CNTNAP5: variants seen among roughly 807,000 people sequenced by gnomAD.
CNTNAP5 encodes contactin-associated protein-like 5.
Under a neutral mutation model 150.2 loss-of-function variants are expected in CNTNAP5, and 72 were observed. The observed-to-expected ratio is 0.48, with a 90% CI of 0.40 to 0.58. The LOEUF is 0.58. Ranked by LOEUF, CNTNAP5 falls within the 20% of genes least tolerant of loss-of-function variation. The pLI, the probability that CNTNAP5 is intolerant of heterozygous loss-of-function variation, is 0.00. For synonymous variants in CNTNAP5, 672 were observed against 619.8 expected (o/e 1.08, Z -1.25); for missense variants, 1,636 against 1,626.2 (o/e 1.01, Z -0.10).
intron 10 of CNTNAP5, among the ~76,000 whole-genome samples, chr2:124,562,747 T>A (rs988592007): frequency 5.3e-5 from 8 of 152,216 alleles, no homozygotes; most frequent in African/African-American, 1.7e-4. Context: ...AACTTCGTGT[T>A]GTCTTTGTGC....
chr2:124,243,492 G>A (rs1333728865), intron 3 of CNTNAP5, among the ~76,000 whole-genome samples: 4 of 152,178 alleles, frequency 2.6e-5, no homozygotes, highest in African/African-American at 9.7e-5. Flanking sequence ...AGTTATGGCA[G>A]ACTGAATCCT....
At chr2:124,731,231 T>C (rs970044168) in intron 13 of CNTNAP5, among the ~76,000 whole-genome samples, 10 of 152,106 alleles carry the variant, frequency 6.6e-5, no homozygotes, top group Non-Finnish European at 1.5e-5. Flanking sequence ...TCATTTTGTC[T>C]CCTTCCTGTT....
chr2:124,644,817 T>C (rs73955539), intron 12 of CNTNAP5, among the ~76,000 whole-genome samples: 2,013 of 152,276 alleles, frequency 0.013, 44 homozygotes, highest in African/African-American at 0.045. Flanking sequence ...GCTCTAGGTT[T>C]CAAGCAATCA....
At chr2:124,372,805 A>G (rs1464567746) in intron 3 of CNTNAP5, among the ~76,000 whole-genome samples, 1 of 152,136 alleles carries the variant, frequency 6.6e-6, no homozygotes, top group African/African-American at 2.4e-5. Flanking sequence ...TACATGTACC[A>G]AGAATTAATA....
rs142559318 is a variant in CNTNAP5, at chr2:124,169,629, A to G, written c.83-52076A>G. On this transcript the variant is annotated intron_variant, in intron 1 of 23. Coordinates refer to ENST00000682447, the MANE Select transcript of CNTNAP5 (RefSeq NM_001367498.1). The stretch of plus-strand genomic sequence containing the variant: ...CCCACTGGAAAACTCCATTTCTAAG[A>G]TTGAAGAACCCTATCCTGTTGGATT... Among the ~76,000 whole-genome samples the G allele has an allele frequency of 1.4e-3, 207 of 152,314 alleles. 2 individuals carry two copies. Among genetic ancestry groups the G allele is most frequent in the African/African-American group, 4.7e-3 (194 of 41,578 alleles).
At chr2:124,277,450 A>C (rs1290036929) in intron 3 of CNTNAP5, among the ~76,000 whole-genome samples, 1 of 152,158 alleles carries the variant, frequency 6.6e-6, no homozygotes, top group Non-Finnish European at 1.5e-5. Context: ...TGGATATGAT[A>C]TACAGGAGTG....
At chr2:124,563,693 G>A (rs1695946238) in intron 11 of CNTNAP5, among the ~76,000 whole-genome samples, 2 of 152,130 alleles carry the variant, frequency 1.3e-5, no homozygotes, top group Admixed American at 1.3e-4. Context: ...ACATCTCTGT[G>A]GTCTAAGTAA....
chr2:124,893,650 A>G (rs1415086260), intron 21 of CNTNAP5, among the ~76,000 whole-genome samples: 1 of 152,234 alleles, frequency 6.6e-6, no homozygotes, highest in African/African-American at 2.4e-5. Flanking sequence ...AACCTGCTAC[A>G]GGTTAGAATC....
At chr2:124,066,656 C>CA (rs11330744) in intron 1 of CNTNAP5, among the ~76,000 whole-genome samples, 38,754 of 150,294 alleles carry the variant, frequency 0.26, 5,082 homozygotes, top group South Asian at 0.32. Context: ...CAATTTTTAA[C>CA]AAAAAAAAAA....
Position 124,428,332 on chromosome 2 carries a change from G to T in CNTNAP5, c.530-6152G>T, listed in dbSNP as rs143982824. The stretch of plus-strand genomic sequence containing the variant: ...ACACAGTGCTCACCTCCTTCCAATG[G>T]ATGTAGAATTGCGTGCTTGCTCTCT... On this transcript the variant is annotated intron_variant, in intron 4 of 23. Coordinates refer to ENST00000682447, the MANE Select transcript of CNTNAP5 (RefSeq NM_001367498.1). Among the ~76,000 whole-genome samples, 245 of 152,304 alleles carry T rather than the reference G, an allele frequency of 1.6e-3. 1 individual carries two copies. Among genetic ancestry groups the T allele is most frequent in the East Asian group, 0.012 (60 of 5,160 alleles).
intron 18 of CNTNAP5, among the ~76,000 whole-genome samples, chr2:124,794,345 T>A (rs1428154994): frequency 6.6e-6 from 1 of 152,186 alleles, no homozygotes; most frequent in Non-Finnish European, 1.5e-5. Context: ...AGCGCAGGAC[T>A]CTTTCACAGG....
At chr2:124,460,688 C>T (rs924903933) in intron 6 of CNTNAP5, among the ~76,000 whole-genome samples, 1 of 152,132 alleles carries the variant, frequency 6.6e-6, no homozygotes, top group African/African-American at 2.4e-5. Flanking sequence ...TACCTTTCTT[C>T]CCTTAAGAAG....
intron 13 of CNTNAP5, among the ~76,000 whole-genome samples, chr2:124,709,799 A>G (rs905796291): frequency 2.0e-5 from 3 of 152,154 alleles, no homozygotes; most frequent in African/African-American, 7.2e-5. Flanking sequence ...TAAATTAAAT[A>G]TTGAATAGAT....
At chr2:124,367,568 C>T (rs1690409254) in intron 3 of CNTNAP5, among the ~76,000 whole-genome samples, 1 of 152,160 alleles carries the variant, frequency 6.6e-6, no homozygotes, top group South Asian at 2.1e-4. Flanking sequence ...CACAGCCAAA[C>T]CATATCACCT....
At chr2:124,408,023 C>T (rs528889547) in intron 3 of CNTNAP5, among the ~76,000 whole-genome samples, 4 of 150,086 alleles carry the variant, frequency 2.7e-5, no homozygotes, top group South Asian at 2.1e-4. Context: ...TCAGTGGGTG[C>T]GCGCACCGTA....
chr2:124,156,598 C>G (rs760682562), intron 1 of CNTNAP5, among the ~76,000 whole-genome samples: 12 of 152,120 alleles, frequency 7.9e-5, no homozygotes, highest in African/African-American at 2.7e-4. Context: ...CAGGTTCACG[C>G]GATTCTCCTG....
intron 1 of CNTNAP5, among the ~76,000 whole-genome samples, chr2:124,134,488 C>T (rs1042635103): frequency 6.6e-6 from 1 of 152,106 alleles, no homozygotes; most frequent in Admixed American, 6.5e-5. Context: ...ATAATCTTTT[C>T]TTCAGAAAGC....
At chr2:124,879,614 G>A (rs1294311758) in intron 21 of CNTNAP5, among the ~76,000 whole-genome samples, 1 of 152,246 alleles carries the variant, frequency 6.6e-6, no homozygotes, top group East Asian at 1.9e-4. Flanking sequence ...TTCCTCATCT[G>A]TAAAGTAGGA....
chr2:124,291,796 G>A (rs568374080), intron 3 of CNTNAP5, among the ~76,000 whole-genome samples: 25 of 152,052 alleles, frequency 1.6e-4, no homozygotes, highest in East Asian at 1.4e-3. Flanking sequence ...CATATTCCTC[G>A]GACAAAACCA....
Sources: gnomAD v4.1 joint callset for allele counts (sites outside exome capture counted in the v4.1 genomes callset) on GRCh38, gnomAD v4.1.1 for gene constraint, MANE v1.5 for transcripts, NCBI Gene and HGNC (gene_info 2026-07-23, HGNC 2026-07-21) for gene names.